ALK: variants seen among roughly 807,000 people sequenced by gnomAD.
ALK encodes ALK receptor tyrosine kinase, also known as ALK tyrosine kinase receptor.
In ALK, 74 loss-of-function variants were observed where a neutral mutation model predicts 163.1. The ratio of observed to expected loss-of-function variants is 0.45; its 90% CI spans 0.38 to 0.55. The LOEUF (loss-of-function observed/expected upper bound fraction) is 0.55, where lower values mean the gene tolerates loss of function less well. Among genes scored for constraint, ALK ranks in the 20% least tolerant of loss-of-function variants. The probability of loss-of-function intolerance (pLI) is 0.00; values close to 1 mark genes in which losing one functional copy is unlikely to be tolerated. For synonymous variants in ALK, 960 were observed against 843.2 expected, an observed-to-expected ratio of 1.14 and a Z score of -2.40; for missense variants, 2,063 against 2,105.3, an observed-to-expected ratio of 0.98 and a Z score of 0.39.
At chr2:29,251,393 G>A in intron 11 of ALK, 126 bp from the exon 12 acceptor site, 4 of 965,404 alleles carry the variant, frequency 4.1e-6, no homozygotes, top group Non-Finnish European at 6.3e-6. Context: ...TGGCACCAAG[G>A]TCAGGGCAAG....
intron 4 of ALK, among the ~76,000 whole-genome samples, chr2:29,388,463 G>C (rs1669085679): frequency 6.6e-6 from 1 of 152,178 alleles, no homozygotes; most frequent in Non-Finnish European, 1.5e-5. Flanking sequence ...CTGCAGTGTA[G>C]CAAGGCAAGG....
intron 4 of ALK, among the ~76,000 whole-genome samples, chr2:29,521,103 T>C (rs1393763677): frequency 6.6e-6 from 1 of 152,134 alleles, no homozygotes; most frequent in African/African-American, 2.4e-5. Context: ...GATCACACAG[T>C]GGGGCTAAGA....
intron 4 of ALK, among the ~76,000 whole-genome samples, chr2:29,487,508 G>T (rs1671804624): frequency 6.6e-6 from 1 of 152,188 alleles, no homozygotes; most frequent in Non-Finnish European, 1.5e-5. Flanking sequence ...GTCAAAATGT[G>T]AAATGAGAAG....
chr2:29,338,881 C>A lies in ALK; in HGVS notation c.1283-10400G>T, dbSNP rs540092589. Among the ~76,000 whole-genome samples, 6 of 152,342 alleles carry A rather than the reference C, an allele frequency of 3.9e-5. No homozygotes were observed. In the South Asian group the frequency reaches 1.2e-3, roughly 32 times the overall value. ...GTTGCACTGCAGAAATTGCACCCAC[C>A]TTCCCCAGTCTCCATTTCAATCTTT... is the stretch of plus-strand genomic sequence containing the variant. On this transcript the variant is annotated intron_variant, in intron 5 of 28. Transcript: ENST00000389048.
chr2:29,349,446 T>C (rs1381330408), intron 5 of ALK, among the ~76,000 whole-genome samples: 1 of 152,190 alleles, frequency 6.6e-6, no homozygotes, highest in Non-Finnish European at 1.5e-5. Context: ...AGTCCATTGC[T>C]AGTCACAGTG....
chr2:29,531,861 CA>C, intron 4 of ALK, 53 bp downstream of exon 4: 1 of 1,595,590 alleles, frequency 6.3e-7, no homozygotes, highest in South Asian at 1.1e-5. Context: ...AATGTGTAAC[CA>C]AAAGCCAAAT....
intron 3 of ALK, among the ~76,000 whole-genome samples, chr2:29,542,134 T>G (rs1558375905): frequency 6.6e-6 from 1 of 152,222 alleles, no homozygotes; most frequent in East Asian, 1.9e-4. Flanking sequence ...TGTGGGTTAA[T>G]TTTTCCATGA....
chr2:29,629,409 T>A (rs1190632883), intron 3 of ALK, among the ~76,000 whole-genome samples: 1 of 152,180 alleles, frequency 6.6e-6, no homozygotes. Context: ...TGAACAGACA[T>A]ACAATGGCCC....
intron 3 of ALK, among the ~76,000 whole-genome samples, chr2:29,577,357 C>T (rs1674553139): frequency 6.6e-6 from 1 of 152,172 alleles, no homozygotes; most frequent in Non-Finnish European, 1.5e-5. Context: ...CTGTCATGGT[C>T]CTTGTATGCT....
In ALK at chr2:29,193,868, C is replaced by G. The variant is rs1334825922; in HGVS notation, c.4219G>C (p.Glu1407Gln). 6.2e-7 allele frequency: 1 copy of G among 1,614,010 alleles called. No individual in the cohort carries two copies. Among genetic ancestry groups the G allele is most frequent in the East Asian group, 2.2e-5 (1 of 44,886 alleles). The change falls in exon 29 of 29, where the codon GAG becomes CAG. Residue 1407 changes from glutamate to glutamine, a missense_variant. Physicochemically the swap from Glu to Gln is conservative, Grantham distance 29. Coordinates refer to ENST00000389048, the MANE Select transcript of ALK (RefSeq NM_004304.5). ...LPIEYGPLVEEEEKVPVRPKD... is the reference protein window; with the variant it reads ...LPIEYGPLVEQEEKVPVRPKD... ...GGCCTCACAGGCACTTTCTCTTCCT[C>G]TTCCACAAGTGGACCATATTCTATC...
chr2:29,395,812 C>T (rs11127220), intron 4 of ALK, among the ~76,000 whole-genome samples: 2 of 152,038 alleles, frequency 1.3e-5, no homozygotes, highest in Non-Finnish European at 2.9e-5. Flanking sequence ...AACAGCCAGG[C>T]CTTTTTGGGG....
At chr2:29,383,648 T>C in intron 5 of ALK, 84 bp downstream of exon 5, 1 of 1,587,776 alleles carries the variant, frequency 6.3e-7, no homozygotes, top group African/African-American at 1.3e-5. Flanking sequence ...AGTGTGCACA[T>C]TCCCAGCCAA....
rs1025190182 is a variant in ALK, at chr2:29,383,602, C to A, written c.1282+130G>T. On this transcript the variant is annotated intron_variant, in intron 5 of 28. Transcript: ENST00000389048. Reference sequence around the variant, plus strand: ...AAAGTGCTGGGATTACAGGTGTGAGCCACAGCACCCAGCCCACTCTAGACT... The same window carrying A: ...AAAGTGCTGGGATTACAGGTGTGAGACACAGCACCCAGCCCACTCTAGACT... 1.1e-5 allele frequency: 14 copies of A among 1,259,744 alleles called. No individual in the cohort carries two copies. The East Asian group carries it at 3.3e-4, about 29-fold the overall frequency. The allele number at this position is 1,259,744 out of a possible 1,614,324, so 78.0% of individuals were successfully genotyped here. A position where few individuals can be genotyped will look rare whatever the true frequency, so the allele number is the denominator to read the frequency against.
At chr2:29,794,784 G>A (rs995728784) in intron 1 of ALK, among the ~76,000 whole-genome samples, 3 of 152,128 alleles carry the variant, frequency 2.0e-5, no homozygotes, top group African/African-American at 7.2e-5. Flanking sequence ...GCAATTAGAA[G>A]AGTAACATCA....
At chr2:29,390,262 C>T (rs774575592) in intron 4 of ALK, among the ~76,000 whole-genome samples, 25 of 152,136 alleles carry the variant, frequency 1.6e-4, no homozygotes, top group Non-Finnish European at 2.4e-4. Context: ...TGGTCATGAG[C>T]GCCAAGTCAT....
intron 1 of ALK, among the ~76,000 whole-genome samples, chr2:29,833,011 A>G (rs1665461645): frequency 6.6e-6 from 1 of 152,148 alleles, no homozygotes; most frequent in Admixed American, 6.5e-5. Flanking sequence ...CATGGAAAGA[A>G]AGAGAGCCCA....
At chr2:29,881,347 CCAGGCTATTAT>C (rs1666859596) in intron 1 of ALK, among the ~76,000 whole-genome samples, 1 of 152,174 alleles carries the variant, frequency 6.6e-6, no homozygotes, top group African/African-American at 2.4e-5. Context: ...ATAATTAAAA[CCAGGCTATTAT>C]CATTAATTAT....
intron 26 of ALK, among the ~76,000 whole-genome samples, chr2:29,203,375 A>G (rs1344778077): frequency 6.7e-6 from 1 of 148,650 alleles, no homozygotes; most frequent in African/African-American, 2.5e-5. Context: ...AAGCAATTTG[A>G]TGCCATTTGG....
At chr2:29,772,711 T>A (rs190201996) in intron 1 of ALK, among the ~76,000 whole-genome samples, 29 of 152,376 alleles carry the variant, frequency 1.9e-4, no homozygotes, top group African/African-American at 4.6e-4. Context: ...AGAGGACTAC[T>A]GTTTTTCACG....
Sources: gnomAD v4.1 joint callset for allele counts (sites outside exome capture counted in the v4.1 genomes callset) on GRCh38, gnomAD v4.1.1 for gene constraint, MANE v1.5 for transcripts, NCBI Gene and HGNC (gene_info 2026-07-23, HGNC 2026-07-21) for gene names.